Variants in RGS6 observed in about 807,000 individuals in gnomAD.
The protein encoded by RGS6 is regulator of G-protein signaling 6.
RGS6 carries 30 observed loss-of-function variants against 78.5 expected under a neutral mutation model. The ratio of observed to expected loss-of-function variants is 0.38; its 90% CI spans 0.29 to 0.52. The LOEUF is 0.52. Ranked by LOEUF, RGS6 falls within the 20% of genes least tolerant of loss-of-function variation. The pLI, the probability that RGS6 is intolerant of heterozygous loss-of-function variation, is 0.85. For missense variants in RGS6, 495 were observed against 609.7 expected (o/e 0.81, Z 1.98); for synonymous variants, 206 against 206.0 (o/e 1.00, Z 0.00).
the RGS6 span, among the ~76,000 whole-genome samples, chr14:72,613,296 A>C: frequency 6.6e-6 from 1 of 152,128 alleles, no homozygotes; most frequent in Non-Finnish European, 1.5e-5. Flanking sequence ...TTTATTTGCT[A>C]GACAGGGTTG....
rs759527358 is a variant in RGS6 at position 72,052,925 on chromosome 14, TTTTC to T, written c.84+88108_84+88111del. ...GCACATGTTCAGAGTTTCATTGTAT[TTTTC>T]TTTCTTTCTTTCTTTCTTTCTTTCT... On this transcript the variant is annotated intron_variant, in intron 2 of 17. Coordinates refer to ENST00000553525, the MANE Select transcript of RGS6 (RefSeq NM_001204424.2). 3.1e-3 allele frequency among the ~76,000 whole-genome samples: 370 copies of T among 120,414 alleles called. 9 individuals are homozygous for T. The highest frequency in any genetic ancestry group is 3.9e-3 in the Non-Finnish European group (208 of 53,554). The allele number at this position is 120,414 out of a possible 152,430, so 79.0% of individuals were successfully genotyped here. A position where few individuals can be genotyped will look rare whatever the true frequency, so the allele number is the denominator to read the frequency against.
intron 2 of RGS6, among the ~76,000 whole-genome samples, chr14:72,117,497 A>G (rs1056629322): frequency 6.6e-6 from 1 of 151,922 alleles, no homozygotes; most frequent in Non-Finnish European, 1.5e-5. Flanking sequence ...AGATATTGGC[A>G]CCGTGCTTTG....
At chr14:72,556,788 A>G (rs1027191477) in intron 17 of RGS6, among the ~76,000 whole-genome samples, 3 of 152,180 alleles carry the variant, frequency 2.0e-5, no homozygotes, top group African/African-American at 7.2e-5. Flanking sequence ...GTATTCATGA[A>G]TGTACCATTT....
intron 3 of RGS6, among the ~76,000 whole-genome samples, chr14:72,364,023 A>AAC (rs2082014318): frequency 6.6e-6 from 1 of 151,086 alleles, no homozygotes; most frequent in South Asian, 2.1e-4. Context: ...AAAAAAAAAA[A>AAC]AAACTCTATA....
intron 8 of RGS6, among the ~76,000 whole-genome samples, chr14:72,470,311 T>G (rs571507965): frequency 6.6e-6 from 1 of 152,292 alleles, no homozygotes; most frequent in East Asian, 1.9e-4. Flanking sequence ...ACAAGGGAGA[T>G]CCTCCCAAAG....
intron 1 of RGS6, among the ~76,000 whole-genome samples, chr14:71,939,289 T>G (rs1379200538): frequency 6.6e-6 from 1 of 152,178 alleles, no homozygotes; most frequent in African/African-American, 2.4e-5. Context: ...CCTAGAAATT[T>G]TATTGGGGTA....
At chr14:72,471,546 G>A (rs144433462) in intron 8 of RGS6, among the ~76,000 whole-genome samples, 4 of 152,238 alleles carry the variant, frequency 2.6e-5, no homozygotes, top group African/African-American at 7.2e-5. Flanking sequence ...GTTGCAGCCC[G>A]TGGCCTGGAG....
At chr14:71,958,516 G>T (rs774221021) in intron 1 of RGS6, among the ~76,000 whole-genome samples, 3 of 152,202 alleles carry the variant, frequency 2.0e-5, no homozygotes, top group South Asian at 2.1e-4. Flanking sequence ...AGAAACTAAG[G>T]CCCAGTGGGG....
At chr14:72,056,993 A>G (rs2093648233) in intron 2 of RGS6, among the ~76,000 whole-genome samples, 1 of 152,088 alleles carries the variant, frequency 6.6e-6, no homozygotes, top group African/African-American at 2.4e-5. Flanking sequence ...TGTGGGATAT[A>G]TTTTTGTATG....
chr14:72,531,644 TACTTTC>T (rs1033985691), intron 15 of RGS6, among the ~76,000 whole-genome samples: 12 of 152,338 alleles, frequency 7.9e-5, no homozygotes, highest in Non-Finnish European at 1.5e-4. Flanking sequence ...TTCTGCTTTC[TACTTTC>T]ACTTTCTTTT....
At chr14:72,579,567 A>G in the RGS6 span, among the ~76,000 whole-genome samples, 37 of 152,184 alleles carry the variant, frequency 2.4e-4, no homozygotes, top group Non-Finnish European at 3.7e-4. Flanking sequence ...TCTTGGAGTG[A>G]GGCATTCCAC....
At chr14:72,409,083 A>C (rs865988401) in intron 3 of RGS6, among the ~76,000 whole-genome samples, 2 of 152,230 alleles carry the variant, frequency 1.3e-5, no homozygotes, top group Admixed American at 6.5e-5. Flanking sequence ...AATCATAATA[A>C]AAACAGAGAT....
intron 3 of RGS6, among the ~76,000 whole-genome samples, chr14:72,388,988 C>T (rs1265368829): frequency 6.6e-6 from 1 of 152,154 alleles, no homozygotes; most frequent in Non-Finnish European, 1.5e-5. Flanking sequence ...TGTGATGTCA[C>T]ATGCCTCATT....
intron 2 of RGS6, among the ~76,000 whole-genome samples, chr14:72,146,729 C>CT (rs1474055984): frequency 6.6e-6 from 1 of 152,144 alleles, no homozygotes; most frequent in Non-Finnish European, 1.5e-5. Context: ...CCCAAACATG[C>CT]TTTTTTCATT....
At chr14:71,955,565 T>C (rs2153013178) in intron 1 of RGS6, among the ~76,000 whole-genome samples, 1 of 152,294 alleles carries the variant, frequency 6.6e-6, no homozygotes, top group Non-Finnish European at 1.5e-5. Context: ...TATTCTTGAC[T>C]CCCCTTTTTA....
chr14:72,049,419 A>G (rs1321543666), intron 2 of RGS6, among the ~76,000 whole-genome samples: 1 of 152,234 alleles, frequency 6.6e-6, no homozygotes, highest in Non-Finnish European at 1.5e-5. Context: ...CCACAAGTCA[A>G]GGTCTTGGGA....
chr14:72,514,517 TCTCCA>T (rs2096916903), intron 14 of RGS6, among the ~76,000 whole-genome samples: 1 of 152,214 alleles, frequency 6.6e-6, no homozygotes, highest in Admixed American at 6.5e-5. Flanking sequence ...CCAGCCCTGT[TCTCCA>T]CTGCTTCGCC....
chr14:72,420,812 A>G (rs1190502580), intron 3 of RGS6, among the ~76,000 whole-genome samples: 2 of 152,236 alleles, frequency 1.3e-5, no homozygotes, highest in Non-Finnish European at 2.9e-5. Flanking sequence ...CAGTATTCAG[A>G]ACGCCATTGA....
At chr14:71,917,907 C>T in the RGS6 span, among the ~76,000 whole-genome samples, 1 of 152,130 alleles carries the variant, frequency 6.6e-6, no homozygotes, top group East Asian at 1.9e-4. Context: ...GGCGCGGTGG[C>T]TCACGCCTGT....
Sources: gnomAD v4.1 joint callset for allele counts (sites outside exome capture counted in the v4.1 genomes callset) on GRCh38, gnomAD v4.1.1 for gene constraint, MANE v1.5 for transcripts, NCBI Gene and HGNC (gene_info 2026-07-23, HGNC 2026-07-21) for gene names.